The following LRMDA variants were observed in gnomAD, a reference collection of about 807,000 sequenced individuals.
The protein encoded by LRMDA is leucine rich melanocyte differentiation associated.
In LRMDA, 18 loss-of-function variants were observed where a neutral mutation model predicts 29.8. That is an observed-to-expected ratio of 0.60 (90% CI 0.42 to 0.90). LRMDA has a LOEUF of 0.90. LRMDA is among the 40% of genes least tolerant of loss of function. The pLI is 0.00. For missense variants in LRMDA, 273 were observed against 273.9 expected (o/e 1.00, Z 0.02); for synonymous variants, 125 against 109.4 (o/e 1.14, Z -0.89).
chr10:76,409,575 A>G (rs1318991341), intron 6 of LRMDA, among the ~76,000 whole-genome samples: 17 of 152,164 alleles, frequency 1.1e-4, no homozygotes, highest in Admixed American at 1.1e-3. Flanking sequence ...TTTTTAGTGC[A>G]TACATTTTGA....
chr10:75,808,062 C>G (rs1843889718), intron 2 of LRMDA, among the ~76,000 whole-genome samples: 1 of 152,122 alleles, frequency 6.6e-6, no homozygotes, highest in African/African-American at 2.4e-5. Flanking sequence ...GAAAATTCAC[C>G]TTTGTCTTGG....
intron 6 of LRMDA, among the ~76,000 whole-genome samples, chr10:76,483,080 TTA>T (rs1842747799): frequency 6.6e-6 from 1 of 152,002 alleles, no homozygotes; most frequent in South Asian, 2.1e-4. Flanking sequence ...TAAAATTGAA[TTA>T]TCTTATTATG....
intron 2 of LRMDA, among the ~76,000 whole-genome samples, chr10:75,543,883 AT>A (rs1840047881): frequency 6.6e-6 from 1 of 151,872 alleles, no homozygotes; most frequent in African/African-American, 2.4e-5. Context: ...ACTCCTCTGG[AT>A]TTTCACTCCT....
At chr10:75,728,426 CTGTGTG>C (rs34902461) in intron 2 of LRMDA, among the ~76,000 whole-genome samples, 6,605 of 138,236 alleles carry the variant, frequency 0.048, 209 homozygotes, top group African/African-American at 0.11. Context: ...ATACGTGGCT[CTGTGTG>C]TGTGTGTGTG....
At chr10:76,181,450 A>G in intron 5 of LRMDA, among the ~76,000 whole-genome samples, 1 of 152,206 alleles carries the variant, frequency 6.6e-6, no homozygotes, top group South Asian at 2.1e-4. Context: ...GTTGCTCATG[A>G]GCATGAGAAA....
At chr10:76,356,091 G>A (rs1841236020) in intron 6 of LRMDA, among the ~76,000 whole-genome samples, 1 of 152,094 alleles carries the variant, frequency 6.6e-6, no homozygotes, top group Non-Finnish European at 1.5e-5. Context: ...ATTCCTCCTT[G>A]TAAAATAAGG....
chr10:76,182,966 C>T (rs546205275), intron 5 of LRMDA, among the ~76,000 whole-genome samples: 3 of 152,152 alleles, frequency 2.0e-5, no homozygotes, highest in Non-Finnish European at 4.4e-5. Context: ...CAAGGCTCCA[C>T]CTTCTTCCCA....
At chr10:75,981,700 A>G (rs1199882003) in intron 2 of LRMDA, among the ~76,000 whole-genome samples, 2 of 152,010 alleles carry the variant, frequency 1.3e-5, no homozygotes, top group East Asian at 1.9e-4. Flanking sequence ...AAAAATACGA[A>G]CATTAGCTGG....
intron 2 of LRMDA, among the ~76,000 whole-genome samples, chr10:75,697,850 T>TGTGTGC (rs10664076): frequency 0.037 from 5,601 of 151,690 alleles, 269 homozygotes; most frequent in African/African-American, 0.11. Context: ...TGTGTGTGTG[T>TGTGTGC]GCGTGTGTGT....
At chr10:75,698,160 G>A (rs78590369) in intron 2 of LRMDA, among the ~76,000 whole-genome samples, 6,110 of 152,166 alleles carry the variant, frequency 0.04, 183 homozygotes, top group Non-Finnish European at 0.06. Flanking sequence ...CCTTCCACGG[G>A]GCTTCCTTCC....
intron 5 of LRMDA, among the ~76,000 whole-genome samples, chr10:76,243,526 C>A (rs74993288): frequency 1.3e-5 from 2 of 152,050 alleles, no homozygotes; most frequent in Non-Finnish European, 2.9e-5. Context: ...AGCAATGGCA[C>A]GGTATTTAAG....
chr10:75,459,973 C>T (rs975203020), intron 2 of LRMDA, among the ~76,000 whole-genome samples: 1 of 152,168 alleles, frequency 6.6e-6, no homozygotes, highest in Non-Finnish European at 1.5e-5. Context: ...GATTAAGTTT[C>T]CAATACATGA....
At chr10:76,343,354 A>G (rs1841064610) in intron 6 of LRMDA, among the ~76,000 whole-genome samples, 1 of 152,236 alleles carries the variant, frequency 6.6e-6, no homozygotes, top group South Asian at 2.1e-4. Flanking sequence ...AATGTTAACT[A>G]TAGGTGCAAA....
At chr10:75,590,834 G>A (rs959360692) in intron 2 of LRMDA, among the ~76,000 whole-genome samples, 5 of 132,122 alleles carry the variant, frequency 3.8e-5, no homozygotes, top group Admixed American at 9.5e-5. Context: ...CTGCAATTCT[G>A]CCTCCCGGGT....
intron 6 of LRMDA, among the ~76,000 whole-genome samples, chr10:76,487,762 A>G (rs1202369914): frequency 3.3e-5 from 5 of 151,952 alleles, no homozygotes; most frequent in African/African-American, 1.2e-4. Flanking sequence ...AACATTTTAC[A>G]TAGATAGGTT....
At position 76,530,006 on chromosome 10, in the gene LRMDA, A is replaced by G. The variant is rs75688089; in HGVS notation, c.602-27203A>G. Reference sequence around the variant, plus strand: ...TTGCCAATGGGACTTAGTTTCCAGTAAGATCAAGAGTGTCTACCACACACC... The same window carrying G: ...TTGCCAATGGGACTTAGTTTCCAGTGAGATCAAGAGTGTCTACCACACACC... On this transcript the variant is annotated intron_variant, in intron 6 of 6. Coordinates refer to ENST00000611255, the MANE Select transcript of LRMDA (RefSeq NM_001305581.2). 4.4e-3 allele frequency among the ~76,000 whole-genome samples: 670 copies of G among 152,276 alleles called. 1 individual carries two copies. The highest frequency in any genetic ancestry group is 0.015 in the African/African-American group (627 of 41,558).
intron 2 of LRMDA, among the ~76,000 whole-genome samples, chr10:75,882,484 A>G (rs1845311138): frequency 6.6e-6 from 1 of 152,232 alleles, no homozygotes; most frequent in Non-Finnish European, 1.5e-5. Flanking sequence ...TTCTACAGGT[A>G]TCTCAAGATG....
chr10:75,682,416 C>A (rs1188641857), intron 2 of LRMDA, among the ~76,000 whole-genome samples: 1 of 139,996 alleles, frequency 7.1e-6, no homozygotes, highest in Non-Finnish European at 1.6e-5. Context: ...AAGCAACAAC[C>A]AGAAGAGTGT....
intron 2 of LRMDA, among the ~76,000 whole-genome samples, chr10:75,744,174 G>A (rs947691411): frequency 2.0e-5 from 3 of 152,202 alleles, no homozygotes; most frequent in Non-Finnish European, 2.9e-5. Context: ...TAGCACTAGA[G>A]TAAAGGCGGT....
Sources: gnomAD v4.1 joint callset for allele counts (sites outside exome capture counted in the v4.1 genomes callset) on GRCh38, gnomAD v4.1.1 for gene constraint, MANE v1.5 for transcripts, NCBI Gene and HGNC (gene_info 2026-07-23, HGNC 2026-07-21) for gene names.